The following TLN1 variants were observed in gnomAD, a reference collection of about 807,000 sequenced individuals.
The protein encoded by TLN1 is talin 1, also known as talin-1.
Under a neutral mutation model 292.3 loss-of-function variants are expected in TLN1, and 56 were observed. That is an observed-to-expected ratio of 0.19 (90% CI 0.15 to 0.24). The LOEUF (loss-of-function observed/expected upper bound fraction) is 0.24. TLN1 is among the 10% of genes least tolerant of loss of function. The probability of loss-of-function intolerance (pLI) is 1.00; values close to 1 mark genes in which losing one functional copy is unlikely to be tolerated. For missense variants in TLN1, 2,433 were observed against 3,248.2 expected, an observed-to-expected ratio of 0.75 and a Z score of 6.10; for synonymous variants, 1,119 against 1,253.7, an observed-to-expected ratio of 0.89 and a Z score of 2.27.
intron 26 of TLN1, 29 bp from the exon 27 acceptor site, chr9:35,713,072 G>A (rs944948709): frequency 1.3e-6 from 2 of 1,581,926 alleles, no homozygotes; most frequent in African/African-American, 2.7e-5. Flanking sequence ...AGAGGGAAGG[G>A]AAGGTGCTTT....
In TLN1 at chr9:35,719,643, A is replaced by G. The variant is rs1246641572; in HGVS notation, c.1579-16T>C. The stretch of plus-strand genomic sequence containing the variant: ...CCTTAGAGGCCTGAAAGAGAGAGGA[A>G]AAGCCTTCAGGATCTGCCCTGGTTT... On this transcript the variant is annotated splice_polypyrimidine_tract_variant and intron_variant, in intron 14 of 56. Transcript: ENST00000314888. The surrounding 1 kb of genome is among the most constrained non-coding windows in gnomAD (Gnocchi z 4.6). 6.2e-7 allele frequency: 1 copy of G among 1,613,650 alleles called. No individual in the cohort carries two copies. Among genetic ancestry groups the G allele is most frequent in the Non-Finnish European group, 8.5e-7 (1 of 1,179,510 alleles).
intron 1 of TLN1, among the ~76,000 whole-genome samples, chr9:35,727,593 T>C (rs1826000101): frequency 6.6e-6 from 1 of 152,132 alleles, no homozygotes; most frequent in Non-Finnish European, 1.5e-5. Flanking sequence ...CTGGGGCACT[T>C]TGCCCAACCT....
chr9:35,723,103 C>CT, intron 7 of TLN1, 182 bp from the exon 8 acceptor site: 1 of 490,928 alleles, frequency 2.0e-6, no homozygotes, highest in Non-Finnish European at 3.6e-6. Context: ...CGTGTAAACT[C>CT]TTCTTTTTTT....
chr9:35,699,019 G>T lies in TLN1; in HGVS notation c.6999+13C>A. On this transcript the variant is annotated intron_variant, in intron 52 of 56. Coordinates refer to ENST00000314888, the MANE Select transcript of TLN1 (RefSeq NM_006289.4). The surrounding 1 kb of genome is among the most constrained non-coding windows in gnomAD (Gnocchi z 4.0). ...CCATGGTGAGGGTGGAAGAGGAAGG[G>T]AGCAGGACTGACCTTGGGTTTGGCC... The T allele has an allele frequency of 2.5e-6, 4 of 1,611,234 alleles. No homozygotes were observed. Among genetic ancestry groups the T allele is most frequent in the Non-Finnish European group, 3.4e-6 (4 of 1,177,704 alleles).
intron 3 of TLN1, 106 bp from the exon 4 acceptor site, chr9:35,725,065 G>C: frequency 1.3e-6 from 2 of 1,575,992 alleles, no homozygotes; most frequent in Non-Finnish European, 1.7e-6. Flanking sequence ...GGAAGACTAT[G>C]GTGGTTCGTT....
rs769283876 is a variant in TLN1 at position 35,703,610 on chromosome 9, C to T, written c.6424G>A (p.Gly2142Ser). 5 of 1,614,206 alleles carry T rather than the reference C, an allele frequency of 3.1e-6. No individual in the cohort carries two copies. Among genetic ancestry groups the T allele is most frequent in the Non-Finnish European group, 4.2e-6 (5 of 1,180,040 alleles). The change falls in exon 48 of 57, where the codon GGC (glycine) becomes AGC (serine). Residue 2142 changes from glycine to serine, a missense_variant. This residue lies in a region of TLN1 where 1,384 missense variants were observed against 1,699.6 expected (regional missense o/e 0.81). Coordinates refer to ENST00000314888, the MANE Select transcript of TLN1 (RefSeq NM_006289.4). The part of the protein sequence containing the change: ...VKAVEDEATK[G>S]TRALEATTEH... ...GTGGTTGCCTCCAGGGCCCGAGTGCCTTTGGTGGCCTCATCTTCCACGGCT... is the reference window on the plus strand; with the variant it reads ...GTGGTTGCCTCCAGGGCCCGAGTGCTTTTGGTGGCCTCATCTTCCACGGCT...
rs568969976 is a variant in TLN1, at chr9:35,716,327, C to G, written c.2625+63G>C. On this transcript the variant is annotated intron_variant, in intron 20 of 56. Transcript: ENST00000314888. ...GTCTCCCTCATCAGATGAGGGTGAC[C>G]ATCTGGACTGCTCTACTTCCCTCTA... The G allele has an allele frequency of 2.0e-5, 31 of 1,585,950 alleles. No individual in the cohort carries two copies. In the African/African-American group the frequency reaches 3.5e-4, roughly 18 times the overall value.
At position 35,724,896 on chromosome 9, in the gene TLN1, T is replaced by C; in HGVS notation, c.292A>G (p.Lys98Glu). 6.2e-7 allele frequency: 1 copy of C among 1,614,186 alleles called. No individual in the cohort carries two copies. Among genetic ancestry groups the C allele is most frequent in the Non-Finnish European group, 8.5e-7 (1 of 1,180,052 alleles). ...LKIRMLDGTV[K>E]TIMVDDSKTV... Reference sequence around the variant, plus strand: ...TTAGAGTCATCCACCATGATCGTCTTCACAGTTCCATCCAGCATACGGATC... The same window carrying C: ...TTAGAGTCATCCACCATGATCGTCTCCACAGTTCCATCCAGCATACGGATC... Residue 98 changes from lysine (K) to glutamate (E), a missense_variant, in exon 4 of 57, where the codon AAG becomes GAG. This residue lies in a region of TLN1 where 155 missense variants were observed against 287.9 expected (regional missense o/e 0.54). Coordinates refer to ENST00000314888, the MANE Select transcript of TLN1 (RefSeq NM_006289.4). This position sits in a 1 kb window ranked among gnomAD's most constrained non-coding sequence, Gnocchi z 4.7.
intron 28 of TLN1, 33 bp from the exon 29 acceptor site, chr9:35,711,825 G>C (rs1482504440): frequency 1.2e-6 from 2 of 1,612,874 alleles, no homozygotes; most frequent in African/African-American, 2.7e-5. Context: ...AGACAGAAGA[G>C]TGGGGAATGA....
Position 35,704,893 on chromosome 9 carries a change from A to C in TLN1, c.5734-78T>G. 2.7e-6 allele frequency: 4 copies of C among 1,463,784 alleles called. No homozygotes were observed. The highest frequency in any genetic ancestry group is 3.7e-6 in the Non-Finnish European group (4 of 1,094,276). The allele number at this position is 1,463,784 out of a possible 1,614,324, so 90.7% of individuals were successfully genotyped here. A position where few individuals can be genotyped will look rare whatever the true frequency, so the allele number is the denominator to read the frequency against. On this transcript the variant is annotated intron_variant, in intron 43 of 56. Transcript: ENST00000314888. This position sits in a 1 kb window ranked among gnomAD's most constrained non-coding sequence, Gnocchi z 6.9. ...TTCACTGTGCTTGGAAAAGTCACTA[A>C]GGACATAGAAAAAAACATGCATTGT...
Position 35,707,556 on chromosome 9 carries a change from G to C in TLN1, c.4633-68C>G, listed in dbSNP as rs999387474. 94 of 1,590,318 alleles carry C rather than the reference G, an allele frequency of 5.9e-5. No individual in the cohort carries two copies. In the Admixed American group the frequency reaches 1.6e-3, roughly 27 times the overall value. On this transcript the variant is annotated intron_variant, in intron 35 of 56. Coordinates refer to ENST00000314888, the MANE Select transcript of TLN1 (RefSeq NM_006289.4). The surrounding 1 kb of genome is among the most constrained non-coding windows in gnomAD (Gnocchi z 5.6). ...TAGGGGGTATAGGAAGTGAAGTCCA[G>C]GTCTCCTTCCTGGGACTTACAGGAT...
At position 35,711,035 on chromosome 9, in the gene TLN1, T is replaced by C. The variant is rs748313420; in HGVS notation, c.4067A>G (p.Gln1356Arg). The C allele has an allele frequency of 1.9e-6, 3 of 1,614,234 alleles. No homozygotes were observed. Among genetic ancestry groups the C allele is most frequent in the Non-Finnish European group, 2.5e-6 (3 of 1,180,046 alleles). ...ATCACACTCCTTCTGGCCGGGTGCC[T>C]GCTGGGTGCACATAGTGATGAGCTG... ...INQLITMCTQ[Q>R]APGQKECDNA... The change falls in exon 31 of 57, where the codon CAG (glutamine) becomes CGG (arginine). Residue 1356 changes from glutamine (Q) to arginine (R), a missense_variant. Coordinates refer to ENST00000314888, the MANE Select transcript of TLN1 (RefSeq NM_006289.4).
chr9:35,707,631 G>A lies in TLN1; in HGVS notation c.4632+100C>T. The A allele has an allele frequency of 6.3e-7, 1 of 1,585,916 alleles. No individual in the cohort carries two copies. Among genetic ancestry groups the A allele is most frequent in the South Asian group, 1.1e-5 (1 of 87,074 alleles). ...CTGAATAGAAAGAGCTTGGGCTCAG[G>A]CAGAGGGGATTTGGTAGAAGGCTTC... On this transcript the variant is annotated intron_variant, in intron 35 of 56. Transcript: ENST00000314888. The surrounding 1 kb of genome is among the most constrained non-coding windows in gnomAD (Gnocchi z 5.6).
chr9:35,721,055 A>T, intron 10 of TLN1, 142 bp from the exon 11 acceptor site: 6 of 584,134 alleles, frequency 1.0e-5, no homozygotes, highest in South Asian at 4.8e-5. Flanking sequence ...CCTTTCTTGA[A>T]CCTCCTCTTT....
Position 35,705,586 on chromosome 9 carries a change from C to A in TLN1, c.5698G>T (p.Ala1900Ser), listed in dbSNP as rs940640050. 5 of 1,603,492 alleles carry A rather than the reference C, an allele frequency of 3.1e-6. 1 individual carries two copies. The African/African-American group carries it at 5.4e-5, about 17-fold the overall frequency. ...TSDYGRLASE[A>S]KPAAVAAENE... ...TCAGCAGCCACCGCTGCAGGCTTGG[C>A]CTCCGAGGCCAGACGGCCATAGTCA... Residue 1900 changes from alanine to serine, a missense_variant, in exon 43 of 57, where the codon GCC becomes TCC. Around this residue, in one of 7 missense-constraint regions of TLN1, gnomAD observed 1,384 missense variants for 1,699.6 expected, o/e 0.81. Transcript: ENST00000314888.
rs1825844490 is a variant in TLN1 at position 35,719,496 on chromosome 9, C to T, written c.1687+23G>A. 3.1e-6 allele frequency: 5 copies of T among 1,605,050 alleles called. No individual in the cohort carries two copies. The highest frequency in any genetic ancestry group is 3.4e-6 in the Non-Finnish European group (4 of 1,172,336). ...TGCACCCCCTCTCCCCATCACACAC[C>T]CGGAAGCTAGCATCCGGCCTACCTG... is the stretch of plus-strand genomic sequence containing the variant. On this transcript the variant is annotated intron_variant, in intron 15 of 56. Transcript: ENST00000314888. This position sits in a 1 kb window ranked among gnomAD's most constrained non-coding sequence, Gnocchi z 4.6.
intron 27 of TLN1, 132 bp downstream of exon 27, chr9:35,712,703 G>A (rs1168010560): frequency 2.8e-6 from 2 of 711,844 alleles, no homozygotes; most frequent in Non-Finnish European, 4.7e-6. Context: ...TCCACAGAGG[G>A]GCTGTCAAGA....
chr9:35,703,895 T>C lies in TLN1; in HGVS notation c.6237A>G (p.Val2079=), dbSNP rs1341129239. 1 of 1,614,166 alleles carries C rather than the reference T, an allele frequency of 6.2e-7. No individual in the cohort carries two copies. Among genetic ancestry groups the C allele is most frequent in the South Asian group, 1.1e-5 (1 of 91,076 alleles). ...LGAEDPETQV[V]LINAVKDVAK... is the part of the protein sequence containing the mutation. Reference sequence around the variant, plus strand: ...CTACATCTTTCACTGCGTTGATTAGTACCACCTGTGTGGGAAAGCGTTGGC... The same window carrying C: ...CTACATCTTTCACTGCGTTGATTAGCACCACCTGTGTGGGAAAGCGTTGGC... Residue 2079 remains valine, a synonymous_variant, in exon 47 of 57, where the codon GTA becomes GTG. Coordinates refer to ENST00000314888, the MANE Select transcript of TLN1 (RefSeq NM_006289.4).
chr9:35,711,977 G>T (rs760434318), intron 28 of TLN1, 28 bp downstream of exon 28: 1 of 1,610,956 alleles, frequency 6.2e-7, no homozygotes, highest in East Asian at 2.2e-5. Flanking sequence ...TGACTCCTAC[G>T]TTCCCCCACC....
Sources: allele counts gnomAD v4.1 joint callset (sites outside exome capture counted in the v4.1 genomes callset), GRCh38; gene constraint gnomAD v4.1.1; regional missense constraint gnomAD v4.1.1; non-coding constraint Gnocchi (gnomAD v3.1); transcripts MANE v1.5; gene names NCBI Gene and HGNC (gene_info 2026-07-23, HGNC 2026-07-21).